PRKCD: variants seen among roughly 807,000 people sequenced by gnomAD.
The protein encoded by PRKCD is protein kinase C delta type.
PRKCD carries 20 observed loss-of-function variants against 82.2 expected under a neutral mutation model. The ratio of observed to expected loss-of-function variants is 0.24; its 90% CI spans 0.17 to 0.35. PRKCD has a LOEUF of 0.35. PRKCD is among the 10% of genes least tolerant of loss of function. PRKCD has a pLI of 1.00. For missense variants in PRKCD, 607 were observed against 899.0 expected (o/e 0.68, Z 4.15); for synonymous variants, 317 against 337.0 (o/e 0.94, Z 0.65).
rs1703957024 is a variant in PRKCD at position 53,192,367 on chromosome 3, G to A, written c.*101G>A. 21 of 1,424,032 alleles carry A rather than the reference G, an allele frequency of 1.5e-5. No individual in the cohort carries two copies. The highest frequency in any genetic ancestry group is 9.9e-5 in the South Asian group (8 of 80,656). 88.2% of individuals were successfully genotyped at this position (1,424,032 alleles called of 1,614,324 possible). A position where few individuals can be genotyped will look rare whatever the true frequency, so the allele number is the denominator to read the frequency against. ...TGTGGTGACTTCTGCTGCTGGCCCC[G>A]CCCCTGCCCCCAGAGCGTCCTTGGC... is the stretch of plus-strand genomic sequence containing the variant. On this transcript the variant is annotated 3_prime_UTR_variant, in exon 19 of 19. Transcript: ENST00000330452.
chr3:53,181,096 G>T (rs1417321007), intron 4 of PRKCD, 111 bp from the exon 5 acceptor site: 2 of 1,195,060 alleles, frequency 1.7e-6, no homozygotes, highest in African/African-American at 1.5e-5. Context: ...GCTAGGCCTT[G>T]GGGGGCTGCC....
chr3:53,186,709 A>G lies in PRKCD; in HGVS notation c.1352+14A>G. The stretch of plus-strand genomic sequence containing the variant: ...CTACCGTGCCACGTACGTAAGGGCC[A>G]TGGTGGGGAAGGGCCCAGTGTGGAG... On this transcript the variant is annotated intron_variant, in intron 14 of 18. Transcript: ENST00000330452. 6.2e-7 allele frequency: 1 copy of G among 1,606,124 alleles called. No homozygotes were observed. The highest frequency in any genetic ancestry group is 8.5e-7 in the Non-Finnish European group (1 of 1,173,800).
In PRKCD at chr3:53,178,375, C is replaced by T. The variant is rs201528065; in HGVS notation, c.-19-29C>T. ...ACTGTTCCCGCTGGTCCCGCCCGGC[C>T]GCCTGGCCTCACCCCTCTGTGTGCA... On this transcript the variant is annotated intron_variant, in intron 2 of 18. Coordinates refer to ENST00000330452, the MANE Select transcript of PRKCD (RefSeq NM_006254.4). The T allele has an allele frequency of 4.9e-4, 746 of 1,528,642 alleles. 10 individuals carry two copies. In the East Asian group the frequency reaches 0.012, roughly 25 times the overall value. The allele number at this position is 1,528,642 out of a possible 1,614,324, so 94.7% of individuals were successfully genotyped here.
At position 53,192,237 on chromosome 3, in the gene PRKCD, C is replaced by T. The variant is rs148364495; in HGVS notation, c.2002C>T (p.Pro668Ser). Residue 668 changes from proline (P) to serine (S), a missense_variant, in exon 19 of 19, where the codon CCC becomes TCC. Transcript: ENST00000330452. The stretch of plus-strand genomic sequence containing the variant: ...ATTCGCTGGCTTCTCCTTTGTGAAC[C>T]CCAAATTCGAGCACCTCCTGGAAGA... Reference protein sequence around the residue: ...SAFAGFSFVNPKFEHLLED With the variant: ...SAFAGFSFVNSKFEHLLED 1.9e-6 allele frequency: 3 copies of T among 1,614,020 alleles called. No individual in the cohort carries two copies. The highest frequency in any genetic ancestry group is 2.7e-5 in the African/African-American group (2 of 74,906).
chr3:53,165,508 TTGGTCAG>T (rs1174331097), intron 2 of PRKCD, among the ~76,000 whole-genome samples: 1 of 152,236 alleles, frequency 6.6e-6, no homozygotes, highest in Non-Finnish European at 1.5e-5. Flanking sequence ...TAACGCTTTT[TTGGTCAG>T]TTAGAGAGGG....
intron 8 of PRKCD, 39 bp downstream of exon 8, chr3:53,183,245 G>A (rs1703523093): frequency 1.9e-6 from 3 of 1,605,570 alleles, no homozygotes; most frequent in Non-Finnish European, 2.6e-6. Context: ...GATCTGGGGG[G>A]CTTGGCCAGA....
At position 53,189,141 on chromosome 3, in the gene PRKCD, C is replaced by T. The variant is rs1308577890; in HGVS notation, c.1638C>T (p.Ser546=). 1 of 1,614,088 alleles carries T rather than the reference C, an allele frequency of 6.2e-7. No homozygotes were observed. The highest frequency in any genetic ancestry group is 1.3e-5 in the African/African-American group (1 of 74,934). ...VLLYEMLIGQ[S]PFHGDDEDEL... ...TGTACGAGATGCTCATTGGCCAGTC[C>T]CCCTTCCATGGTGATGATGAGGATG... The change falls in exon 17 of 19, where the codon TCC becomes TCT. Residue 546 remains serine, a synonymous_variant. Coordinates refer to ENST00000330452, the MANE Select transcript of PRKCD (RefSeq NM_006254.4).
Position 53,186,548 on chromosome 3 carries a change from A to G in PRKCD, c.1261-56A>G, listed in dbSNP as rs1329323877. The G allele has an allele frequency of 2.0e-6, 3 of 1,511,004 alleles. No homozygotes were observed. The South Asian group carries it at 3.6e-5, about 18-fold the overall frequency. 93.6% of individuals were successfully genotyped at this position (1,511,004 alleles called of 1,614,324 possible). A position where few individuals can be genotyped will look rare whatever the true frequency, so the allele number is the denominator to read the frequency against. On this transcript the variant is annotated intron_variant, in intron 13 of 18. Coordinates refer to ENST00000330452, the MANE Select transcript of PRKCD (RefSeq NM_006254.4). ...TTGGGGCTTGGCCCCAGTGGCCCTC[A>G]GTGAGGGAGCCTCCTGCCTATTCCT...
chr3:53,176,247 A>G (rs927314226), intron 2 of PRKCD, among the ~76,000 whole-genome samples: 1 of 152,116 alleles, frequency 6.6e-6, no homozygotes, highest in African/African-American at 2.4e-5. Flanking sequence ...ACTGAGTAGG[A>G]GCCAGGGCCG....
intron 10 of PRKCD, 106 bp downstream of exon 10, chr3:53,185,080 C>T: frequency 1.0e-6 from 1 of 988,128 alleles, no homozygotes; most frequent in Non-Finnish European, 1.5e-6. Flanking sequence ...TATATTTAGA[C>T]CCAGGACTCT....
chr3:53,168,042 T>G (rs781859662), intron 2 of PRKCD, among the ~76,000 whole-genome samples: 6 of 152,272 alleles, frequency 3.9e-5, no homozygotes, highest in Non-Finnish European at 8.8e-5. Flanking sequence ...AGTCTGCAGC[T>G]GCCTGCTGCC....
intron 11 of PRKCD, 52 bp from the exon 12 acceptor site, chr3:53,185,875 G>C: frequency 6.3e-7 from 1 of 1,596,170 alleles, no homozygotes; most frequent in South Asian, 1.1e-5. Context: ...CCGGGGGAGG[G>C]GAGTTGTGTA....
intron 8 of PRKCD, 52 bp downstream of exon 8, chr3:53,183,258 G>A: frequency 6.3e-7 from 1 of 1,596,030 alleles, no homozygotes; most frequent in Non-Finnish European, 8.6e-7. Context: ...TGGCCAGATG[G>A]GAGGGATTTG....
intron 1 of PRKCD, among the ~76,000 whole-genome samples, chr3:53,164,577 T>A (rs1553663550): frequency 9.3e-5 from 14 of 151,144 alleles, no homozygotes; most frequent in Non-Finnish European, 1.5e-5. Flanking sequence ...AGTGAGACCC[T>A]GCCACATTAA....
intron 2 of PRKCD, among the ~76,000 whole-genome samples, chr3:53,175,868 A>T (rs1453787201): frequency 1.3e-5 from 2 of 152,192 alleles, no homozygotes; most frequent in African/African-American, 2.4e-5. Flanking sequence ...CAAGCCAGGC[A>T]GCAAAAGGGG....
intron 2 of PRKCD, among the ~76,000 whole-genome samples, chr3:53,173,006 G>T (rs576450934): frequency 3.3e-5 from 5 of 152,356 alleles, no homozygotes; most frequent in African/African-American, 1.2e-4. Context: ...ACAATGAGGA[G>T]ATGGGCATGT....
chr3:53,183,047 G>A (rs543968673), intron 7 of PRKCD, 74 bp from the exon 8 acceptor site: 231 of 1,483,670 alleles, frequency 1.6e-4, no homozygotes, highest in South Asian at 1.4e-3. Flanking sequence ...TAGACTGGTC[G>A]GCAGGCACCA....
Position 53,189,237 on chromosome 3 carries a change from C to T in PRKCD, c.1734C>T (p.Ile578=). The T allele has an allele frequency of 2.5e-6, 4 of 1,610,576 alleles. No individual in the cohort carries two copies. Among genetic ancestry groups the T allele is most frequent in the Non-Finnish European group, 3.4e-6 (4 of 1,178,210 alleles). ...GGATCACCAAGGAGTCCAAGGACATCCTGGAGAAGGTGGAGGCCCTGGGCT... is the reference window on the plus strand; with the variant it reads ...GGATCACCAAGGAGTCCAAGGACATTCTGGAGAAGGTGGAGGCCCTGGGCT... ...PRWITKESKD[I]LEKLFEREPT... is the part of the protein sequence containing the mutation. The change falls in exon 17 of 19, where the codon ATC becomes ATT. Residue 578 remains isoleucine (I), a synonymous_variant. Transcript: ENST00000330452.
intron 2 of PRKCD, among the ~76,000 whole-genome samples, chr3:53,175,484 G>A (rs1872035): frequency 1.3e-5 from 2 of 151,794 alleles, no homozygotes; most frequent in African/African-American, 2.4e-5. Flanking sequence ...GAAATGGGGG[G>A]GCTGAGGCTC....
Sources: gnomAD v4.1 joint callset for allele counts (sites outside exome capture counted in the v4.1 genomes callset) on GRCh38, gnomAD v4.1.1 for gene constraint, MANE v1.5 for transcripts, NCBI Gene and HGNC (gene_info 2026-07-23, HGNC 2026-07-21) for gene names.